GALNT9: variants seen among roughly 807,000 people sequenced by gnomAD.
GALNT9 encodes polypeptide N-acetylgalactosaminyltransferase 9.
In GALNT9, 47 loss-of-function variants were observed where a neutral mutation model predicts 63.1. The ratio of observed to expected loss-of-function variants is 0.75; its 90% CI spans 0.59 to 0.95. The LOEUF is 0.95. Among genes scored for constraint, GALNT9 ranks in the 40% least tolerant of loss-of-function variants. The pLI is 0.00. For missense variants in GALNT9, 829 were observed against 874.8 expected (o/e 0.95, Z 0.66); for synonymous variants, 396 against 365.7 (o/e 1.08, Z -0.94).
At chr12:132,276,084 G>A (rs1880075823) in intron 2 of GALNT9, 1 of 152,408 alleles carries the variant, frequency 6.6e-6, no homozygotes, top group Middle Eastern at 3.4e-3. Context: ...TTTCCGGTTG[G>A]CTTCCATGAA....
intron 6 of GALNT9, among the ~76,000 whole-genome samples, chr12:132,235,030 C>T (rs1336650541): frequency 2.5e-5 from 1 of 39,450 alleles, no homozygotes; most frequent in African/African-American, 2.3e-4. Flanking sequence ...GAGGAGACAG[C>T]GTGGAGTCCC....
chr12:132,201,407 G>GCCCCA (rs773697181), intron 7 of GALNT9, 146 bp from the exon 8 acceptor site: 106 of 556,432 alleles, frequency 1.9e-4, no homozygotes, highest in Non-Finnish European at 3.1e-4. Context: ...GCCCCATCCA[G>GCCCCA]TTGGGACCCC....
At chr12:132,205,144 T>C (rs1031949551) in intron 6 of GALNT9, among the ~76,000 whole-genome samples, 4 of 152,072 alleles carry the variant, frequency 2.6e-5, no homozygotes, top group Non-Finnish European at 4.4e-5. Context: ...GGCCGTTATC[T>C]TAATCATGTC....
At chr12:132,222,385 C>G (rs1565991922) in intron 6 of GALNT9, among the ~76,000 whole-genome samples, 1 of 152,194 alleles carries the variant, frequency 6.6e-6, no homozygotes, top group African/African-American at 2.4e-5. Flanking sequence ...CAAGGCCAGC[C>G]TGGGCAACAT....
At chr12:132,302,951 A>G (rs924674309) in intron 1 of GALNT9, among the ~76,000 whole-genome samples, 5 of 145,566 alleles carry the variant, frequency 3.4e-5, no homozygotes, top group African/African-American at 1.3e-4. Context: ...CAGAGGGACC[A>G]CTCCGGTGAC....
rs116654828 is a variant in GALNT9, at chr12:132,310,481, C to T, written c.238+18485G>A. Among the ~76,000 whole-genome samples, 1,243 of 152,222 alleles carry T rather than the reference C, an allele frequency of 8.2e-3. 10 individuals are homozygous for T. The highest frequency in any genetic ancestry group is 0.028 in the African/African-American group (1,152 of 41,542). ...CATCTCCTGGAGGCTGAGAGCCCTC[C>T]GGGAAAGCAGGCATTTCTGCCGGCT... is the stretch of plus-strand genomic sequence containing the variant. On this transcript the variant is annotated intron_variant, in intron 1 of 10. Transcript: ENST00000328957. The surrounding 1 kb of genome is among the most constrained non-coding windows in gnomAD (Gnocchi z 4.8).
intron 1 of GALNT9, among the ~76,000 whole-genome samples, chr12:132,292,455 T>C (rs1880896556): frequency 6.6e-6 from 1 of 152,190 alleles, no homozygotes; most frequent in Non-Finnish European, 1.5e-5. Context: ...CGGGCTCTGC[T>C]GGGCCGGACC....
chr12:132,203,876 G>C (rs540231436), intron 6 of GALNT9, among the ~76,000 whole-genome samples, 186 bp from the exon 7 acceptor site: 1 of 152,192 alleles, frequency 6.6e-6, no homozygotes, highest in Admixed American at 6.5e-5. Context: ...CCCGCCCACA[G>C]AGAAAGTTCA....
At chr12:132,241,182 C>A (rs1178706594) in intron 6 of GALNT9, among the ~76,000 whole-genome samples, 3 of 100,114 alleles carry the variant, frequency 3.0e-5, no homozygotes, top group Non-Finnish European at 4.3e-5. Context: ...CTTCCCAGGG[C>A]CCTCCCTATC....
At chr12:132,285,079 A>G (rs1880536438) in intron 2 of GALNT9, among the ~76,000 whole-genome samples, 1 of 152,198 alleles carries the variant, frequency 6.6e-6, no homozygotes, top group Admixed American at 6.5e-5. Flanking sequence ...TCCTGGCCCA[A>G]GAATCCCGGT....
At chr12:132,201,102 G>A (rs772041860) in intron 8 of GALNT9, 22 bp downstream of exon 8, 1 of 1,609,420 alleles carries the variant, frequency 6.2e-7, no homozygotes, top group African/African-American at 1.3e-5. Flanking sequence ...GGGCCGAACG[G>A]GGCCCTCGGG....
At chr12:132,225,620 T>C (rs1348513375) in intron 6 of GALNT9, among the ~76,000 whole-genome samples, 1,896 of 81,638 alleles carry the variant, frequency 0.023, 37 homozygotes, top group East Asian at 0.13. Context: ...CACATGCACA[T>C]CACACAACCC....
chr12:132,251,492 C>T (rs1663287478), intron 5 of GALNT9, among the ~76,000 whole-genome samples: 1 of 152,216 alleles, frequency 6.6e-6, no homozygotes, highest in Non-Finnish European at 1.5e-5. Context: ...GGGTCGCTGA[C>T]TCCTTAAATC....
intron 6 of GALNT9, among the ~76,000 whole-genome samples, chr12:132,204,170 C>T (rs1408565605): frequency 6.9e-5 from 1 of 14,436 alleles, no homozygotes; most frequent in Non-Finnish European, 2.5e-4. Flanking sequence ...ACCAGCCTCC[C>T]CAGCTAATAA....
intron 2 of GALNT9, among the ~76,000 whole-genome samples, chr12:132,285,581 G>A (rs535879601): frequency 4.5e-4 from 69 of 152,346 alleles, no homozygotes; most frequent in Non-Finnish European, 7.6e-4. Context: ...AGGTGCGCAG[G>A]CCACGGATGG....
chr12:132,298,988 G>A (rs1429613466), intron 1 of GALNT9, among the ~76,000 whole-genome samples: 1 of 64,972 alleles, frequency 1.5e-5, no homozygotes, highest in Non-Finnish European at 3.1e-5. Flanking sequence ...AACCCACTCG[G>A]ACCACACCTA....
chr12:132,262,556 C>A lies in GALNT9; in HGVS notation c.489G>T (p.Ala163=). 2 of 1,551,496 alleles carry A rather than the reference C, an allele frequency of 1.3e-6. No individual in the cohort carries two copies. The highest frequency in any genetic ancestry group is 1.7e-6 in the Non-Finnish European group (2 of 1,146,910). ...VSVVFIFVNE[A]LSVILRSVHS... is the part of the protein sequence containing the mutation. ...GCACGGAGCGCAGGATGACCGACAG[C>A]GCCTCATTGACGAAGATGAAGACCA... Residue 163 remains alanine (A), a synonymous_variant, in exon 3 of 11, where the codon GCG becomes GCT. Coordinates refer to ENST00000328957, the MANE Select transcript of GALNT9 (RefSeq NM_001122636.2).
At position 132,319,091 on chromosome 12, in the gene GALNT9, C is replaced by T. The variant is rs963143988; in HGVS notation, c.238+9875G>A. On this transcript the variant is annotated intron_variant, in intron 1 of 10. Coordinates refer to ENST00000328957, the MANE Select transcript of GALNT9 (RefSeq NM_001122636.2). This position sits in a 1 kb window ranked among gnomAD's most constrained non-coding sequence, Gnocchi z 5.2. The stretch of plus-strand genomic sequence containing the variant: ...CGCCACCGAGCCACCAAGCCTGCAG[C>T]GTGCGTGCCTTCATGTGAGGTGTGC... Among the ~76,000 whole-genome samples, 6 of 152,340 alleles carry T rather than the reference C, an allele frequency of 3.9e-5. No individual in the cohort carries two copies. The highest frequency in any genetic ancestry group is 1.9e-4 in the East Asian group (1 of 5,186).
At chr12:132,273,827 G>C (rs1177761800) in intron 2 of GALNT9, 7 of 152,316 alleles carry the variant, frequency 4.6e-5, no homozygotes, top group Admixed American at 4.6e-4. Flanking sequence ...CAGGAATGTC[G>C]GCCCCATCCA....
Sources: gnomAD v4.1 joint callset for allele counts (sites outside exome capture counted in the v4.1 genomes callset) on GRCh38, gnomAD v4.1.1 for gene constraint, Gnocchi (gnomAD v3.1) non-coding constraint, MANE v1.5 for transcripts, NCBI Gene and HGNC (gene_info 2026-07-23, HGNC 2026-07-21) for gene names.